KIF13A: variants seen among roughly 807,000 people sequenced by gnomAD.
KIF13A encodes the protein kinesin family member 13A.
Under a neutral mutation model 212.2 loss-of-function variants are expected in KIF13A, and 79 were observed. The ratio of observed to expected loss-of-function variants is 0.37; its 90% CI spans 0.31 to 0.45. KIF13A has a LOEUF of 0.45. KIF13A is among the 20% of genes least tolerant of loss of function. The pLI, the probability that KIF13A is intolerant of heterozygous loss-of-function variation, is 1.00. For missense variants in KIF13A, 1,901 were observed against 2,209.0 expected (o/e 0.86, Z 2.79); for synonymous variants, 789 against 808.6 (o/e 0.98, Z 0.41).
rs181072009 is a variant in KIF13A, at chr6:17,895,421, G to A, written c.159+2747C>T. On this transcript the variant is annotated intron_variant, in intron 3 of 38. Coordinates refer to ENST00000259711, the MANE Select transcript of KIF13A (RefSeq NM_022113.6). The surrounding 1 kb of genome is among the most constrained non-coding windows in gnomAD (Gnocchi z 4.4). ...ATTTACTTCTGCCAGGTGCCTATGG[G>A]CACCTGCATTCTGGTATCACTTTGT... 1.4e-4 allele frequency among the ~76,000 whole-genome samples: 21 copies of A among 152,278 alleles called. No homozygotes were observed.
chr6:17,920,326 G>A (rs576024133), intron 2 of KIF13A, among the ~76,000 whole-genome samples: 1 of 152,248 alleles, frequency 6.6e-6, no homozygotes, highest in Admixed American at 6.5e-5. Flanking sequence ...AATGAAAGGT[G>A]GGAAGGAGAG....
At chr6:17,889,382 A>C (rs1050842513) in intron 3 of KIF13A, among the ~76,000 whole-genome samples, 3 of 152,228 alleles carry the variant, frequency 2.0e-5, no homozygotes, top group Admixed American at 2.0e-4. Context: ...CTAACTCATA[A>C]ATAAAACAAA....
chr6:17,984,537 T>C lies in KIF13A; in HGVS notation c.146+2517A>G, dbSNP rs1781379177. ...TCTTTTAGTCCTAGCTACACAGTCT[T>C]GGCTTTGGTTTTGTAAAATGGGGAA... is the stretch of plus-strand genomic sequence containing the variant. On this transcript the variant is annotated intron_variant, in intron 2 of 38. Transcript: ENST00000259711. The surrounding 1 kb of genome is among the most constrained non-coding windows in gnomAD (Gnocchi z 5.0). 4.1e-6 allele frequency: 4 copies of C among 985,166 alleles called. No individual in the cohort carries two copies. Among genetic ancestry groups the C allele is most frequent in the Non-Finnish European group, 4.8e-6 (4 of 829,870 alleles). 61.0% of individuals were successfully genotyped at this position (985,166 alleles called of 1,614,324 possible).
chr6:17,823,387 C>T (rs571570835), intron 16 of KIF13A, among the ~76,000 whole-genome samples: 1 of 151,480 alleles, frequency 6.6e-6, no homozygotes, highest in Non-Finnish European at 1.5e-5. Flanking sequence ...GGCTGGCTGG[C>T]TGTCTTTCTC....
chr6:17,835,970 A>G (rs1765919012), intron 11 of KIF13A, among the ~76,000 whole-genome samples: 1 of 152,128 alleles, frequency 6.6e-6, no homozygotes, highest in African/African-American at 2.4e-5. Context: ...TGTCAGATAC[A>G]CTCCCAAGTC....
chr6:17,985,188 C>T (rs1314858984), intron 2 of KIF13A, among the ~76,000 whole-genome samples: 1 of 152,152 alleles, frequency 6.6e-6, no homozygotes, highest in Non-Finnish European at 1.5e-5. Context: ...GTCAGAAGGA[C>T]AAAACACGAG....
Position 17,828,477 on chromosome 6 carries a change from A to T in KIF13A, c.1402-107T>A. 1 of 862,834 alleles carries T rather than the reference A, an allele frequency of 1.2e-6. No individual in the cohort carries two copies. The highest frequency in any genetic ancestry group is 1.7e-6 in the Non-Finnish European group (1 of 579,666). The allele number at this position is 862,834 out of a possible 1,614,324, so 53.4% of individuals were successfully genotyped here. ...GCAGCAGCATATGCACAAAAATATT[A>T]AACGAATCCTGCCAGAGATGTTAAA... On this transcript the variant is annotated intron_variant, in intron 13 of 38. Transcript: ENST00000259711. The surrounding 1 kb of genome is among the most constrained non-coding windows in gnomAD (Gnocchi z 4.3).
At chr6:17,908,174 G>A (rs1351487398) in intron 2 of KIF13A, among the ~76,000 whole-genome samples, 1 of 152,198 alleles carries the variant, frequency 6.6e-6, no homozygotes, top group Non-Finnish European at 1.5e-5. Context: ...AAGATTGAAC[G>A]ACTGCCCCAC....
chr6:17,841,935 T>C (rs544517914), intron 9 of KIF13A, among the ~76,000 whole-genome samples: 1 of 150,400 alleles, frequency 6.6e-6, no homozygotes, highest in East Asian at 1.9e-4. Context: ...GTCTGTGTGT[T>C]TGTGTGTCTA....
intron 6 of KIF13A, among the ~76,000 whole-genome samples, chr6:17,852,582 T>C (rs1767762099): frequency 6.6e-6 from 1 of 152,110 alleles, no homozygotes; most frequent in African/African-American, 2.4e-5. Context: ...TATGCCTGGC[T>C]AGTTTTTATA....
chr6:17,848,621 A>T (rs1039846291), intron 9 of KIF13A, among the ~76,000 whole-genome samples: 25 of 131,462 alleles, frequency 1.9e-4, no homozygotes, highest in African/African-American at 6.7e-4. Context: ...GCTGGAGTAC[A>T]GGGGAGCAAT....
At position 17,769,506 on chromosome 6, in the gene KIF13A, C is replaced by G. The variant is rs950637185; in HGVS notation, c.4581+1608G>C. Reference sequence around the variant, plus strand: ...CTGGTTCCATCCTTCTCTCTGCTAGCTGAAAGCCCCGAGATGGGTTTTATT... The same window carrying G: ...CTGGTTCCATCCTTCTCTCTGCTAGGTGAAAGCCCCGAGATGGGTTTTATT... On this transcript the variant is annotated intron_variant, in intron 38 of 38. Transcript: ENST00000259711. The surrounding 1 kb of genome is among the most constrained non-coding windows in gnomAD (Gnocchi z 5.8). Among the ~76,000 whole-genome samples, 1 of 152,106 alleles carries G rather than the reference C, an allele frequency of 6.6e-6. No individual in the cohort carries two copies. The highest frequency in any genetic ancestry group is 1.5e-5 in the Non-Finnish European group (1 of 68,034).
chr6:17,807,360 G>T (rs761333667), intron 18 of KIF13A, among the ~76,000 whole-genome samples: 3 of 151,980 alleles, frequency 2.0e-5, no homozygotes, highest in African/African-American at 7.3e-5. Flanking sequence ...AATGCATTGT[G>T]GGGGGAGGTC....
intron 4 of KIF13A, among the ~76,000 whole-genome samples, chr6:17,858,136 T>C (rs1768339274): frequency 6.7e-6 from 1 of 148,832 alleles, no homozygotes; most frequent in Non-Finnish European, 1.5e-5. Context: ...TGTGTGTGTG[T>C]GTGTGAGAGA....
chr6:17,939,195 A>G (rs1231110905), intron 2 of KIF13A, among the ~76,000 whole-genome samples: 1 of 152,196 alleles, frequency 6.6e-6, no homozygotes, highest in Non-Finnish European at 1.5e-5. Flanking sequence ...AACAACACTA[A>G]AACAACAGAA....
chr6:17,930,070 T>C (rs1775862156), intron 2 of KIF13A, among the ~76,000 whole-genome samples: 2 of 152,174 alleles, frequency 1.3e-5, no homozygotes. Flanking sequence ...TAAAAAGATA[T>C]CATTTGTGAA....
At chr6:17,879,909 A>G (rs1770903644) in intron 3 of KIF13A, among the ~76,000 whole-genome samples, 1 of 152,218 alleles carries the variant, frequency 6.6e-6, no homozygotes, top group African/African-American at 2.4e-5. Context: ...CAAAAGGGAG[A>G]AAACCAATTT....
At chr6:17,820,996 G>A (rs1764380749) in intron 16 of KIF13A, among the ~76,000 whole-genome samples, 1 of 152,180 alleles carries the variant, frequency 6.6e-6, no homozygotes, top group South Asian at 2.1e-4. Flanking sequence ...CACTACGCAT[G>A]ACCCTTTGTC....
In KIF13A at chr6:17,805,624, G is replaced by C. The variant is rs1219766214; in HGVS notation, c.2164-9C>G. ...CTCACTATTGCACCTCTCTGCATAA[G>C]GAAGAAAAACAAAACAAACCCTGTT... On this transcript the variant is annotated splice_polypyrimidine_tract_variant and intron_variant, in intron 18 of 38. Coordinates refer to ENST00000259711, the MANE Select transcript of KIF13A (RefSeq NM_022113.6). The C allele has an allele frequency of 1.0e-5, 16 of 1,588,084 alleles. No homozygotes were observed. Among genetic ancestry groups the C allele is most frequent in the Admixed American group, 9.2e-5 (5 of 54,278 alleles).
Sources: gnomAD v4.1 joint callset for allele counts (sites outside exome capture counted in the v4.1 genomes callset) on GRCh38, gnomAD v4.1.1 for gene constraint, Gnocchi (gnomAD v3.1) non-coding constraint, MANE v1.5 for transcripts, NCBI Gene and HGNC (gene_info 2026-07-23, HGNC 2026-07-21) for gene names.